The following DNAH14 variants were observed in gnomAD, a reference collection of about 807,000 sequenced individuals.
DNAH14 encodes axonemal beta dynein heavy chain 14.
DNAH14 carries 478 observed loss-of-function variants against 520.9 expected under a neutral mutation model. The ratio of observed to expected loss-of-function variants is 0.92; its 90% CI spans 0.85 to 0.99. The LOEUF (loss-of-function observed/expected upper bound fraction) is 0.99. Among genes scored for constraint, DNAH14 ranks in the 50% least tolerant of loss-of-function variants. The pLI, the probability that DNAH14 is intolerant of heterozygous loss-of-function variation, is 0.00. For missense variants in DNAH14, 4,831 were observed against 5,234.5 expected, an observed-to-expected ratio of 0.92 and a Z score of 2.38; for synonymous variants, 1,581 against 1,757.2, an observed-to-expected ratio of 0.90 and a Z score of 2.51.
At position 224,952,153 on chromosome 1, in the gene DNAH14, C is replaced by A. The variant is rs901891662; in HGVS notation, c.-33-517C>A. On this transcript the variant is annotated intron_variant, in intron 1 of 85. Coordinates refer to ENST00000682510, the MANE Select transcript of DNAH14 (RefSeq NM_001367479.1). ...GACTTTCTGTATCTTGTTAGATTTC[C>A]CTCAGTCATCAGAAAGAAACTCCCC... Among the ~76,000 whole-genome samples, 16 of 152,254 alleles carry A rather than the reference C, an allele frequency of 1.1e-4. No individual in the cohort carries two copies. The East Asian group carries it at 3.1e-3, about 29-fold the overall frequency.
intron 10 of DNAH14, among the ~76,000 whole-genome samples, chr1:225,013,376 A>T (rs2064958364): frequency 6.6e-6 from 1 of 152,042 alleles, no homozygotes; most frequent in South Asian, 2.1e-4. Context: ...TACCAGCCGG[A>T]GCTCTCCTGT....
chr1:225,034,109 G>C (rs1314524327), intron 11 of DNAH14, among the ~76,000 whole-genome samples: 1 of 152,178 alleles, frequency 6.6e-6, no homozygotes, highest in Non-Finnish European at 1.5e-5. Flanking sequence ...TTGAATAGGA[G>C]TGGTGAGAGA....
chr1:224,997,324 CTG>C (rs111391606), intron 8 of DNAH14, among the ~76,000 whole-genome samples: 14,526 of 152,102 alleles, frequency 0.096, 2,226 homozygotes, highest in African/African-American at 0.33. Context: ...ACTGTAGAAA[CTG>C]TGGGCCCTGG....
At chr1:225,351,531 AT>A in intron 71 of DNAH14, 115 bp from the exon 72 acceptor site, 2 of 522,426 alleles carry the variant, frequency 3.8e-6, no homozygotes, top group Non-Finnish European at 6.1e-6. Context: ...CTATGAAGTA[AT>A]TTTTATATGA....
intron 61 of DNAH14, 100 bp downstream of exon 61, chr1:225,318,777 CTA>C: frequency 9.1e-7 from 1 of 1,098,864 alleles, no homozygotes. Context: ...TATACTAAGC[CTA>C]TATTCCATTT....
chr1:225,223,234 A>G (rs981763609), intron 41 of DNAH14, among the ~76,000 whole-genome samples: 22 of 152,210 alleles, frequency 1.4e-4, no homozygotes, highest in African/African-American at 3.9e-4. Flanking sequence ...ACAATCAGGT[A>G]TACAAACCCA....
At position 225,300,950 on chromosome 1, in the gene DNAH14, A is replaced by G. The variant is rs1416585845; in HGVS notation, c.8551A>G (p.Ile2851Val). 3.2e-6 allele frequency: 5 copies of G among 1,551,334 alleles called. No homozygotes were observed. The South Asian group carries it at 4.8e-5, about 15-fold the overall frequency. The change falls in exon 56 of 86, where the codon ATT becomes GTT. Residue 2851 changes from isoleucine (I) to valine (V), a missense_variant. Transcript: ENST00000682510. ...GTTTGAAAATGTTGAGCTGGATTCT[A>G]TTGCAATGAAAATCAGATATCTTAC... ...DLFENVELDSIAMKIRYLTEQ... is the reference protein window; with the variant it reads ...DLFENVELDSVAMKIRYLTEQ...
chr1:225,105,079 T>C (rs2075901916), intron 23 of DNAH14, among the ~76,000 whole-genome samples: 1 of 152,216 alleles, frequency 6.6e-6, no homozygotes, highest in Non-Finnish European at 1.5e-5. Flanking sequence ...GATTCTGGTA[T>C]GTTGTGTCTT....
intron 34 of DNAH14, among the ~76,000 whole-genome samples, chr1:225,156,875 C>A (rs1248946684): frequency 7.2e-6 from 1 of 138,052 alleles, no homozygotes; most frequent in Admixed American, 7.3e-5. Context: ...CCACTACGCC[C>A]GGCTAATTTT....
At chr1:225,255,025 T>C (rs965014940) in intron 44 of DNAH14, among the ~76,000 whole-genome samples, 2 of 152,200 alleles carry the variant, frequency 1.3e-5, no homozygotes, top group Non-Finnish European at 2.9e-5. Context: ...CTCTCTCTTC[T>C]GGAATCCGTA....
intron 36 of DNAH14, among the ~76,000 whole-genome samples, chr1:225,174,171 T>C (rs1190788473): frequency 6.6e-6 from 1 of 151,974 alleles, no homozygotes; most frequent in Non-Finnish European, 1.5e-5. Context: ...AAATGACGAG[T>C]CGATGGGTAC....
At chr1:225,163,459 G>T (rs1269894435) in intron 35 of DNAH14, among the ~76,000 whole-genome samples, 1 of 152,110 alleles carries the variant, frequency 6.6e-6, no homozygotes, top group East Asian at 1.9e-4. Flanking sequence ...AAGGCTTTCT[G>T]TTTTTCCCAA....
intron 8 of DNAH14, 37 bp downstream of exon 8, chr1:224,974,190 G>A: frequency 2.2e-6 from 3 of 1,367,740 alleles, no homozygotes; most frequent in South Asian, 1.6e-5. Flanking sequence ...AATTTCAAAA[G>A]GAAGCTGTAT....
intron 22 of DNAH14, among the ~76,000 whole-genome samples, chr1:225,099,554 A>T (rs1203022510): frequency 6.6e-6 from 1 of 152,092 alleles, no homozygotes; most frequent in East Asian, 1.9e-4. Context: ...CCCAGCCCCC[A>T]CACCAACCAG....
chr1:225,112,950 AG>A (rs1353996433), intron 23 of DNAH14, among the ~76,000 whole-genome samples: 1 of 152,064 alleles, frequency 6.6e-6, no homozygotes, highest in Non-Finnish European at 1.5e-5. Context: ...CTATCTGAAA[AG>A]TCACATATCT....
chr1:225,165,047 C>A (rs933202403), intron 35 of DNAH14, among the ~76,000 whole-genome samples: 2 of 151,984 alleles, frequency 1.3e-5, no homozygotes, highest in African/African-American at 4.8e-5. Context: ...GTGTAGCAAA[C>A]CTTCTGAGAA....
At chr1:225,070,922 T>C (rs542724520) in intron 17 of DNAH14, among the ~76,000 whole-genome samples, 63 of 152,354 alleles carry the variant, frequency 4.1e-4, no homozygotes, top group Non-Finnish European at 6.2e-4. Flanking sequence ...TTGAACCCTT[T>C]AACATTATGT....
At chr1:225,147,330 T>TC in intron 31 of DNAH14, 81 bp downstream of exon 31, 1 of 1,364,352 alleles carries the variant, frequency 7.3e-7, no homozygotes, top group Admixed American at 3.2e-5. Context: ...TTAAATATTT[T>TC]CCCCAATAAG....
At chr1:225,140,660 C>T (rs2079362020) in intron 27 of DNAH14, 108 bp from the exon 28 acceptor site, 1 of 912,444 alleles carries the variant, frequency 1.1e-6, no homozygotes, top group South Asian at 2.1e-5. Context: ...CTTACATACA[C>T]ACCACATAAA....
Sources: gnomAD v4.1 joint callset for allele counts (sites outside exome capture counted in the v4.1 genomes callset) on GRCh38, gnomAD v4.1.1 for gene constraint, MANE v1.5 for transcripts, NCBI Gene and HGNC (gene_info 2026-07-23, HGNC 2026-07-21) for gene names.